The following FGGY variants were observed in gnomAD, a reference collection of about 807,000 sequenced individuals.
FGGY encodes FGGY carbohydrate kinase domain-containing protein.
In FGGY, 72 loss-of-function variants were observed where a neutral mutation model predicts 71.3. The ratio of observed to expected loss-of-function variants is 1.01; its 90% CI spans 0.84 to 1.23. FGGY has a LOEUF of 1.23. Among genes scored for constraint, FGGY ranks in the 50% most tolerant of loss-of-function variants. FGGY has a pLI of 0.00. For missense variants in FGGY, 668 were observed against 682.3 expected (o/e 0.98, Z 0.23); for synonymous variants, 251 against 250.3 (o/e 1.00, Z -0.02).
chr1:59,574,486 A>T (rs1354468721), intron 8 of FGGY, among the ~76,000 whole-genome samples: 3 of 151,914 alleles, frequency 2.0e-5, no homozygotes, highest in Non-Finnish European at 4.4e-5. Context: ...AGTAACATTC[A>T]TAGGTTCCAG....
At chr1:59,333,179 A>T (rs1275951570) in intron 2 of FGGY, among the ~76,000 whole-genome samples, 1 of 152,166 alleles carries the variant, frequency 6.6e-6, no homozygotes, top group Non-Finnish European at 1.5e-5. Context: ...ATGGAGTTTG[A>T]GTCATCTATA....
chr1:59,355,823 G>A (rs918493176), intron 4 of FGGY, among the ~76,000 whole-genome samples: 2 of 151,886 alleles, frequency 1.3e-5, no homozygotes, highest in African/African-American at 2.4e-5. Flanking sequence ...TGCTTTTAAA[G>A]GGCACTCATT....
chr1:59,573,035 A>G (rs562817531), intron 8 of FGGY, among the ~76,000 whole-genome samples: 2 of 152,320 alleles, frequency 1.3e-5, no homozygotes, highest in South Asian at 2.1e-4. Context: ...GAATCTGATC[A>G]TGAGGAAATA....
rs190784262 is a variant in FGGY, at chr1:59,397,389, A to G, written c.554+18552A>G. 3.2e-3 allele frequency among the ~76,000 whole-genome samples: 485 copies of G among 152,348 alleles called. 4 individuals are homozygous for G. Among genetic ancestry groups the G allele is most frequent in the Non-Finnish European group, 4.2e-3 (288 of 68,030 alleles). On this transcript the variant is annotated intron_variant, in intron 5 of 15. Transcript: ENST00000303721. ...AAAGAGCAGGTTCAGATAACAAACA[A>G]CATAGTGAAACTTCCTGAATAACAG...
chr1:59,719,869 G>A (rs570180169), intron 14 of FGGY, among the ~76,000 whole-genome samples: 13 of 152,306 alleles, frequency 8.5e-5, no homozygotes, highest in African/African-American at 2.9e-4. Flanking sequence ...AAAAAGACAT[G>A]ACCTGTGATT....
At chr1:59,398,721 G>C (rs2061603548) in intron 5 of FGGY, among the ~76,000 whole-genome samples, 1 of 152,146 alleles carries the variant, frequency 6.6e-6, no homozygotes. Context: ...TTCAGAATGA[G>C]AAAATCTAGA....
intron 7 of FGGY, among the ~76,000 whole-genome samples, chr1:59,546,458 G>A (rs1221038685): frequency 1.3e-5 from 2 of 151,852 alleles, no homozygotes; most frequent in Admixed American, 6.6e-5. Flanking sequence ...GCAGTGTCAA[G>A]GTGTGTAAAA....
chr1:59,440,505 A>G (rs886596692), intron 5 of FGGY, among the ~76,000 whole-genome samples: 3 of 152,118 alleles, frequency 2.0e-5, no homozygotes, highest in African/African-American at 7.2e-5. Context: ...CACTCAAAGT[A>G]GTCTTCCTAT....
intron 4 of FGGY, among the ~76,000 whole-genome samples, chr1:59,371,125 A>G (rs2057545890): frequency 6.6e-6 from 1 of 152,216 alleles, no homozygotes; most frequent in Non-Finnish European, 1.5e-5. Flanking sequence ...TTGGATAAAG[A>G]GTCAAGACCC....
chr1:59,444,469 G>A (rs1346870223), intron 5 of FGGY, among the ~76,000 whole-genome samples: 1 of 151,976 alleles, frequency 6.6e-6, no homozygotes, highest in East Asian at 1.9e-4. Flanking sequence ...GTTAACTGTA[G>A]TCATCTTACA....
At chr1:59,687,670 G>A (rs552776913) in intron 14 of FGGY, among the ~76,000 whole-genome samples, 10 of 150,258 alleles carry the variant, frequency 6.7e-5, no homozygotes, top group African/African-American at 1.7e-4. Context: ...GTGTTTCACC[G>A]TGTTAGCCAG....
At chr1:59,555,533 C>G (rs554696527) in intron 8 of FGGY, among the ~76,000 whole-genome samples, 8 of 152,342 alleles carry the variant, frequency 5.3e-5, no homozygotes, top group African/African-American at 1.4e-4. Flanking sequence ...CTCTTAATCA[C>G]TAGGACTGTT....
intron 4 of FGGY, among the ~76,000 whole-genome samples, chr1:59,359,185 A>C (rs1373925525): frequency 6.6e-6 from 1 of 152,156 alleles, no homozygotes; most frequent in Non-Finnish European, 1.5e-5. Flanking sequence ...CTTAATAATG[A>C]CTTTATTTTT....
intron 9 of FGGY, among the ~76,000 whole-genome samples, chr1:59,617,433 A>T (rs1451851590): frequency 6.6e-6 from 1 of 152,136 alleles, no homozygotes; most frequent in African/African-American, 2.4e-5. Context: ...TCATCTGGTT[A>T]TCCTCAGAAT....
intron 2 of FGGY, among the ~76,000 whole-genome samples, chr1:59,328,903 G>T (rs1030083315): frequency 6.6e-6 from 1 of 151,580 alleles, no homozygotes; most frequent in African/African-American, 2.4e-5. Flanking sequence ...GTCTTATATG[G>T]GTGCAGTTTG....
chr1:59,435,150 G>A (rs767074411), intron 5 of FGGY, among the ~76,000 whole-genome samples: 2 of 152,152 alleles, frequency 1.3e-5, no homozygotes, highest in South Asian at 4.1e-4. Context: ...ATGACAACTT[G>A]TATTTAATCC....
chr1:59,296,686 G>A (rs1252355947), upstream of FGGY: 6 of 147,458 alleles, frequency 4.1e-5, no homozygotes, highest in African/African-American at 1.0e-4. Flanking sequence ...GCTTTACAGG[G>A]GCCGCGCTTT....
chr1:59,755,880 A>T (rs948694343), intron 14 of FGGY: 6 of 152,244 alleles, frequency 3.9e-5, no homozygotes, highest in African/African-American at 1.2e-4. Flanking sequence ...GAAGATTCAG[A>T]GCTGGCAATA....
At chr1:59,761,375 T>C (rs923736780) in intron 15 of FGGY, among the ~76,000 whole-genome samples, 45 of 152,278 alleles carry the variant, frequency 3.0e-4, no homozygotes, top group African/African-American at 1.0e-3. Flanking sequence ...AGTCCCTGTG[T>C]GTATCCAAGG....
Sources: allele counts gnomAD v4.1 joint callset (sites outside exome capture counted in the v4.1 genomes callset), GRCh38; gene constraint gnomAD v4.1.1; transcripts MANE v1.5; gene names NCBI Gene and HGNC (gene_info 2026-07-23, HGNC 2026-07-21).